Variants in PCGF5 observed in about 807,000 individuals in gnomAD.
PCGF5 encodes the protein polycomb group RING finger protein 5.
A neutral mutation model predicts 44.3 loss-of-function variants in PCGF5; 9 were observed. The observed-to-expected ratio is 0.20, with a 90% CI of 0.12 to 0.35. The LOEUF (loss-of-function observed/expected upper bound fraction) is 0.35. Among genes scored for constraint, PCGF5 ranks in the 10% least tolerant of loss-of-function variants. PCGF5 has a pLI of 1.00. For missense variants in PCGF5, 146 were observed against 305.3 expected (o/e 0.48, Z 3.89); for synonymous variants, 95 against 102.5 (o/e 0.93, Z 0.44).
intron 1 of PCGF5, among the ~76,000 whole-genome samples, chr10:91,206,227 C>G (rs1038669722): frequency 3.3e-5 from 5 of 152,028 alleles, no homozygotes; most frequent in Non-Finnish European, 7.4e-5. Context: ...AGGAGCTGAA[C>G]AGCAGAACTC....
chr10:91,195,400 G>A (rs1400898677), intron 1 of PCGF5, among the ~76,000 whole-genome samples: 2 of 151,322 alleles, frequency 1.3e-5, no homozygotes, highest in Non-Finnish European at 2.9e-5. Flanking sequence ...ACTTGCCTTA[G>A]AGGGTTAATA....
chr10:91,279,868 G>C lies in PCGF5; in HGVS notation c.*1552G>C, dbSNP rs1313169908. ...ATTTCAAAATGATTCTTAGAAATAA[G>C]ATATTGTACAACTCTAGCAAACATA... is the stretch of plus-strand genomic sequence containing the variant. On this transcript the variant is annotated 3_prime_UTR_variant, in exon 10 of 10. Transcript: ENST00000336126. 1 of 152,004 alleles carries C rather than the reference G, an allele frequency of 6.6e-6. No homozygotes were observed. The highest frequency in any genetic ancestry group is 1.5e-5 in the Non-Finnish European group (1 of 67,932). 9.4% of individuals were successfully genotyped at this position (152,004 alleles called of 1,614,324 possible). A position where few individuals can be genotyped will look rare whatever the true frequency, so the allele number is the denominator to read the frequency against.
intron 2 of PCGF5, among the ~76,000 whole-genome samples, chr10:91,224,246 G>A (rs1292722374): frequency 6.6e-6 from 1 of 152,174 alleles, no homozygotes; most frequent in East Asian, 1.9e-4. Context: ...TGATGCTGAT[G>A]TATACTCCTT....
intron 8 of PCGF5, among the ~76,000 whole-genome samples, chr10:91,269,539 A>T (rs1174638547): frequency 3.3e-5 from 5 of 152,060 alleles, no homozygotes; most frequent in African/African-American, 9.7e-5. Flanking sequence ...GATTTTTTTC[A>T]AATTTTTTGA....
At chr10:91,157,714 G>A in the PCGF5 span, among the ~76,000 whole-genome samples, 1 of 152,180 alleles carries the variant, frequency 6.6e-6, no homozygotes, top group African/African-American at 2.4e-5. Flanking sequence ...AGCCAGGAGG[G>A]GAGTTGACAG....
At position 91,192,019 on chromosome 10, in the gene PCGF5, A is replaced by G. The variant is rs182247315; in HGVS notation, c.-184+28938A>G. ...TCTCTGAGCCTCAGGTTCCTCCTCT[A>G]TAAAGTTTGGATTTTATTTCTAATG... On this transcript the variant is annotated intron_variant, in intron 1 of 9. Transcript: ENST00000614189. 4.1e-4 allele frequency among the ~76,000 whole-genome samples: 63 copies of G among 152,302 alleles called. 1 individual carries two copies. The Middle Eastern group carries it at 0.02, about 49-fold the overall frequency.
rs533541007 is a variant in PCGF5 at position 91,266,784 on chromosome 10, C to T, written c.663+2264C>T. ...ACTGATTGCTGCCTTTTTCTTTCAT[C>T]CATCCTTTCTTAGCAAATTCTGTAA... On this transcript the variant is annotated intron_variant, in intron 8 of 9. Transcript: ENST00000336126. Among the ~76,000 whole-genome samples the T allele has an allele frequency of 8.5e-5, 13 of 152,190 alleles. 1 individual carries two copies. The South Asian group carries it at 1.9e-3, about 22-fold the overall frequency.
intron 6 of PCGF5, among the ~76,000 whole-genome samples, chr10:91,253,996 A>G (rs1564651097): frequency 6.6e-6 from 1 of 152,200 alleles, no homozygotes; most frequent in East Asian, 1.9e-4. Context: ...GGACATGGTC[A>G]TTGTACAGGC....
At chr10:91,226,165 G>A (rs377291299) in intron 2 of PCGF5, among the ~76,000 whole-genome samples, 12 of 151,890 alleles carry the variant, frequency 7.9e-5, no homozygotes, top group East Asian at 1.9e-4. Flanking sequence ...AAAGATTTTC[G>A]TCTTACTATT....
intron 1 of PCGF5, among the ~76,000 whole-genome samples, chr10:91,166,003 G>A (rs1843493597): frequency 1.3e-5 from 2 of 152,210 alleles, no homozygotes; most frequent in South Asian, 4.1e-4. Context: ...ATAATCTCAA[G>A]AGTAAGCTCA....
rs12261600 is a variant in PCGF5 at position 91,166,558 on chromosome 10, T to A, written c.-184+3477T>A. 7.2e-5 allele frequency among the ~76,000 whole-genome samples: 11 copies of A among 151,880 alleles called. 1 individual carries two copies. Among genetic ancestry groups the A allele is most frequent in the African/African-American group, 2.7e-4 (11 of 41,248 alleles). ...TTATGCCTCCAGTTTTTTTTTAAAG[T>A]CTTAAAACTTGTAAGTGTGCATGTT... On this transcript the variant is annotated intron_variant, in intron 1 of 9. Coordinates refer to the PCGF5 transcript ENST00000614189.
intron 1 of PCGF5, among the ~76,000 whole-genome samples, chr10:91,196,502 C>T (rs74620164): frequency 0.014 from 2,200 of 152,234 alleles, 49 homozygotes; most frequent in African/African-American, 0.047. Flanking sequence ...CTTTATTCTC[C>T]CAGATCTTTC....
chr10:91,246,145 A>G (rs1309643593), intron 3 of PCGF5, among the ~76,000 whole-genome samples: 1 of 152,210 alleles, frequency 6.6e-6, no homozygotes, highest in Non-Finnish European at 1.5e-5. Flanking sequence ...AAGGACAGAA[A>G]GGGCATCAAA....
At chr10:91,240,889 G>A (rs1845305892) in intron 3 of PCGF5, among the ~76,000 whole-genome samples, 1 of 151,618 alleles carries the variant, frequency 6.6e-6, no homozygotes, top group Admixed American at 6.6e-5. Flanking sequence ...CTACATGGTA[G>A]TAGAAAGAGG....
intron 1 of PCGF5, among the ~76,000 whole-genome samples, chr10:91,164,187 G>A (rs1843452443): frequency 6.6e-6 from 1 of 152,222 alleles, no homozygotes; most frequent in Non-Finnish European, 1.5e-5. Context: ...ACGCCCGGAG[G>A]GGCGGGGAAG....
intron 3 of PCGF5, among the ~76,000 whole-genome samples, chr10:91,243,730 A>G (rs1845386811): frequency 6.6e-6 from 1 of 152,210 alleles, no homozygotes; most frequent in Non-Finnish European, 1.5e-5. Flanking sequence ...TTTCCACTAA[A>G]TATAACTTTA....
chr10:91,207,219 A>T (rs1304786463), intron 1 of PCGF5, among the ~76,000 whole-genome samples: 1 of 152,164 alleles, frequency 6.6e-6, no homozygotes, highest in South Asian at 2.1e-4. Context: ...TTGGTGAGGG[A>T]TGTGCAGCTG....
intron 1 of PCGF5, among the ~76,000 whole-genome samples, chr10:91,202,060 C>T (rs1192437278): frequency 6.6e-6 from 1 of 152,184 alleles, no homozygotes; most frequent in African/African-American, 2.4e-5. Context: ...GGTGTAACCA[C>T]TGTTTGCCTC....
intron 3 of PCGF5, among the ~76,000 whole-genome samples, chr10:91,242,277 G>T (rs373155095): frequency 6.6e-6 from 1 of 151,246 alleles, no homozygotes; most frequent in African/African-American, 2.4e-5. Flanking sequence ...CAGTAGTACT[G>T]CAGTAAGGAA....
Sources: allele counts gnomAD v4.1 joint callset (sites outside exome capture counted in the v4.1 genomes callset), GRCh38; gene constraint gnomAD v4.1.1; transcripts MANE v1.5; gene names NCBI Gene and HGNC (gene_info 2026-07-23, HGNC 2026-07-21).